Variants in EPHA6 observed in about 807,000 individuals in gnomAD.
The protein encoded by EPHA6 is EPH receptor A6.
EPHA6 carries 50 observed loss-of-function variants against 112.0 expected under a neutral mutation model. That is an observed-to-expected ratio of 0.45 (90% CI 0.36 to 0.56). EPHA6 has a LOEUF of 0.56. Among genes scored for constraint, EPHA6 ranks in the 20% least tolerant of loss-of-function variants. EPHA6 has a pLI of 0.00. For missense variants in EPHA6, 1,280 were observed against 1,417.4 expected, an observed-to-expected ratio of 0.90 and a Z score of 1.56; for synonymous variants, 529 against 490.7, an observed-to-expected ratio of 1.08 and a Z score of -1.03.
At position 97,748,797 on chromosome 3, in the gene EPHA6, C is replaced by T; in HGVS notation, c.*96C>T. 1 of 721,688 alleles carries T rather than the reference C, an allele frequency of 1.4e-6. No homozygotes were observed. Among genetic ancestry groups the T allele is most frequent in the Non-Finnish European group, 2.5e-6 (1 of 399,942 alleles). 44.7% of individuals were successfully genotyped at this position (721,688 alleles called of 1,614,324 possible). The stretch of plus-strand genomic sequence containing the variant: ...TCTTCTGATTCTCCAAACATCACTT[C>T]ACAAACTGCAGTCTTCTGTTCAGAC... On this transcript the variant is annotated 3_prime_UTR_variant, in exon 18 of 18. Transcript: ENST00000389672.
chr3:96,858,938 C>G (rs914186992), intron 1 of EPHA6, among the ~76,000 whole-genome samples: 4 of 152,146 alleles, frequency 2.6e-5, no homozygotes, highest in Non-Finnish European at 4.4e-5. Flanking sequence ...TGCCTCTTAA[C>G]TACATCTCAG....
rs1576781205 is a variant in EPHA6, at chr3:97,255,236, G to T, written c.1606+10949G>T. On this transcript the variant is annotated intron_variant, in intron 5 of 17. Transcript: ENST00000389672. ...TCTCTCAAATGAGTGCTATGAAAAC[G>T]TTAGGTTCCAGAGGAGAAGACTCAT... Among the ~76,000 whole-genome samples, 3 of 151,242 alleles carry T rather than the reference G, an allele frequency of 2.0e-5. No individual in the cohort carries two copies. In the South Asian group the frequency reaches 6.3e-4, roughly 32 times the overall value.
chr3:96,951,619 C>A (rs574664625), intron 2 of EPHA6, among the ~76,000 whole-genome samples: 1 of 151,958 alleles, frequency 6.6e-6, no homozygotes, highest in African/African-American at 2.4e-5. Context: ...CATAATAACT[C>A]GAGGGAGCCA....
At chr3:96,958,625 G>A (rs920659997) in intron 2 of EPHA6, among the ~76,000 whole-genome samples, 7 of 152,136 alleles carry the variant, frequency 4.6e-5, no homozygotes, top group African/African-American at 1.2e-4. Context: ...CCCATTAACA[G>A]TCCTTCATTC....
intron 3 of EPHA6, among the ~76,000 whole-genome samples, chr3:97,009,262 G>T (rs552446570): frequency 6.6e-6 from 1 of 152,130 alleles, no homozygotes; most frequent in Non-Finnish European, 1.5e-5. Context: ...TTCCCCTAGG[G>T]GCTAAGGCCC....
intron 9 of EPHA6, chr3:97,481,192 T>G: frequency 1.9e-6 from 2 of 1,062,268 alleles, no homozygotes; most frequent in Non-Finnish European, 2.9e-6. Context: ...AATTTCCTCA[T>G]GAAGTACTGG....
At chr3:97,013,443 T>C (rs923184304) in intron 3 of EPHA6, among the ~76,000 whole-genome samples, 2 of 152,162 alleles carry the variant, frequency 1.3e-5, no homozygotes, top group African/African-American at 4.8e-5. Flanking sequence ...CTTTTAGCAA[T>C]CCTAGATATA....
intron 3 of EPHA6, among the ~76,000 whole-genome samples, chr3:97,111,583 A>C (rs1373345375): frequency 6.6e-6 from 1 of 152,108 alleles, no homozygotes; most frequent in East Asian, 1.9e-4. Context: ...TGGAAACAAA[A>C]TGTAATTGCT....
chr3:97,724,266 T>G (rs2034656197), intron 15 of EPHA6, among the ~76,000 whole-genome samples: 1 of 152,182 alleles, frequency 6.6e-6, no homozygotes, highest in African/African-American at 2.4e-5. Flanking sequence ...CAGAATCTGT[T>G]TTAGTGAATA....
intron 3 of EPHA6, among the ~76,000 whole-genome samples, chr3:97,193,642 G>C (rs1179308713): frequency 6.6e-6 from 1 of 151,356 alleles, no homozygotes; most frequent in Non-Finnish European, 1.5e-5. Context: ...TCTCTTATCT[G>C]ATTGCTCTAG....
chr3:97,047,974 A>G (rs1166551429), intron 3 of EPHA6, among the ~76,000 whole-genome samples: 2 of 152,148 alleles, frequency 1.3e-5, no homozygotes, highest in Non-Finnish European at 2.9e-5. Flanking sequence ...AGAATTCTCA[A>G]ATATATATTA....
chr3:97,228,406 C>T (rs1238088239), intron 4 of EPHA6, among the ~76,000 whole-genome samples: 2 of 152,028 alleles, frequency 1.3e-5, no homozygotes, highest in African/African-American at 4.8e-5. Flanking sequence ...TATGTGAGAA[C>T]ATATGATGTT....
chr3:97,239,100 T>A lies in EPHA6; in HGVS notation c.1271-4852T>A, dbSNP rs530568870. On this transcript the variant is annotated intron_variant, in intron 4 of 17. Transcript: ENST00000389672. ...GTAGGTGCAAGCATATCAAAGATAA[T>A]CAGAAGCAATCCGTTTTGCCATATG... 9.2e-5 allele frequency among the ~76,000 whole-genome samples: 14 copies of A among 152,008 alleles called. No homozygotes were observed. The East Asian group carries it at 2.5e-3, about 27-fold the overall frequency.
At chr3:97,313,086 G>A (rs2081637427) in intron 5 of EPHA6, among the ~76,000 whole-genome samples, 1 of 151,322 alleles carries the variant, frequency 6.6e-6, no homozygotes, top group Admixed American at 6.6e-5. Flanking sequence ...TCTCCCCTCA[G>A]CTACTGGTTA....
intron 2 of EPHA6, among the ~76,000 whole-genome samples, chr3:96,891,577 C>T (rs1376410560): frequency 6.6e-6 from 1 of 151,956 alleles, no homozygotes; most frequent in East Asian, 1.9e-4. Context: ...GGTATGGTGA[C>T]GGGTTCCTGT....
intron 3 of EPHA6, among the ~76,000 whole-genome samples, chr3:97,187,389 G>A (rs1384406130): frequency 4.0e-5 from 6 of 151,828 alleles, no homozygotes; most frequent in East Asian, 1.9e-4. Context: ...GGTCAATAAG[G>A]TGAAACCCCA....
At chr3:97,113,438 A>T (rs1405910280) in intron 3 of EPHA6, among the ~76,000 whole-genome samples, 1 of 152,160 alleles carries the variant, frequency 6.6e-6, no homozygotes, top group Non-Finnish European at 1.5e-5. Flanking sequence ...AACTGAGGCA[A>T]GGAAGGAGCC....
At chr3:97,320,687 A>C (rs1009997596) in intron 5 of EPHA6, among the ~76,000 whole-genome samples, 1 of 151,818 alleles carries the variant, frequency 6.6e-6, no homozygotes, top group Admixed American at 6.6e-5. Context: ...TATAGCAGAA[A>C]ATTGGGATAG....
chr3:97,175,832 A>T (rs572040713), intron 3 of EPHA6, among the ~76,000 whole-genome samples: 2 of 151,886 alleles, frequency 1.3e-5, no homozygotes, highest in Non-Finnish European at 2.9e-5. Context: ...CAAATACAAG[A>T]TCATATCATC....
Sources: gnomAD v4.1 joint callset for allele counts (sites outside exome capture counted in the v4.1 genomes callset) on GRCh38, gnomAD v4.1.1 for gene constraint, MANE v1.5 for transcripts, NCBI Gene and HGNC (gene_info 2026-07-23, HGNC 2026-07-21) for gene names.